The following DAB2IP variants were observed in gnomAD, a reference collection of about 807,000 sequenced individuals.
DAB2IP encodes DAB2 interacting protein, also known as disabled homolog 2-interacting protein.
A neutral mutation model predicts 107.2 loss-of-function variants in DAB2IP; 28 were observed. The observed-to-expected ratio is 0.26, with a 90% CI of 0.19 to 0.36. DAB2IP has a LOEUF of 0.36. DAB2IP is among the 10% of genes least tolerant of loss of function. The pLI, the probability that DAB2IP is intolerant of heterozygous loss-of-function variation, is 1.00. For synonymous variants in DAB2IP, 755 were observed against 706.4 expected (o/e 1.07, Z -1.09); for missense variants, 1,400 against 1,644.7 (o/e 0.85, Z 2.57).
At chr9:121,612,852 A>G (rs952856466) in intron 1 of DAB2IP, among the ~76,000 whole-genome samples, 4 of 152,234 alleles carry the variant, frequency 2.6e-5, no homozygotes, top group Non-Finnish European at 5.9e-5. Context: ...GTTTCTGCAA[A>G]CAGGATTGCA....
Position 121,699,442 on chromosome 9 carries a change from G to A in DAB2IP, c.346G>A (p.Ala116Thr). The A allele has an allele frequency of 2.1e-6, 3 of 1,439,362 alleles. No individual in the cohort carries two copies. Among genetic ancestry groups the A allele is most frequent in the South Asian group, 1.4e-5 (1 of 73,090 alleles). 89.2% of individuals were successfully genotyped at this position (1,439,362 alleles called of 1,614,324 possible). Residue 116 changes from alanine (A) to threonine (T), a missense_variant, in exon 3 of 16, where the codon GCC (alanine) becomes ACC (threonine). Physicochemically the swap from Ala to Thr is moderately conservative, Grantham distance 58. Transcript: ENST00000408936. This position sits in a 1 kb window ranked among gnomAD's most constrained non-coding sequence, Gnocchi z 6.2. ...GGGGTTCCGGAGCGCCGCCGCCGCCGCCGCGGACAATGAGAGGTGAGCCCG... is the reference window on the plus strand; with the variant it reads ...GGGGTTCCGGAGCGCCGCCGCCGCCACCGCGGACAATGAGAGGTGAGCCCG...
intron 1 of DAB2IP, among the ~76,000 whole-genome samples, chr9:121,637,528 C>T (rs1423247721): frequency 6.6e-6 from 1 of 152,160 alleles, no homozygotes; most frequent in Admixed American, 6.5e-5. Flanking sequence ...CACTAGAGCT[C>T]CAGTGGACAT....
At chr9:121,620,808 GC>G (rs1831435704) in intron 1 of DAB2IP, among the ~76,000 whole-genome samples, 1 of 152,122 alleles carries the variant, frequency 6.6e-6, no homozygotes, top group Non-Finnish European at 1.5e-5. Context: ...TCACCTGGGA[GC>G]CCCACCCATG....
In DAB2IP at chr9:121,630,804, C is replaced by T. The variant is rs943661051; in HGVS notation, c.41-47874C>T. ...GGTATTTTTAGTAGAGACAGGGTTT[C>T]ACCATGTTGGCCAGGCTGGTCTCGA... is the stretch of plus-strand genomic sequence containing the variant. On this transcript the variant is annotated intron_variant, in intron 1 of 16. Coordinates refer to the DAB2IP transcript ENST00000259371. Among the ~76,000 whole-genome samples, 18 of 152,114 alleles carry T rather than the reference C, an allele frequency of 1.2e-4. No individual in the cohort carries two copies. In the East Asian group the frequency reaches 3.3e-3, roughly 28 times the overall value.
At chr9:121,688,793 G>C (rs1829017486) in intron 2 of DAB2IP, among the ~76,000 whole-genome samples, 1 of 152,228 alleles carries the variant, frequency 6.6e-6, no homozygotes, top group Non-Finnish European at 1.5e-5. Flanking sequence ...ACGAGACAGA[G>C]AGAGACAGGG....
chr9:121,614,965 C>T (rs772407508), intron 1 of DAB2IP, among the ~76,000 whole-genome samples: 1 of 151,712 alleles, frequency 6.6e-6, no homozygotes, highest in Non-Finnish European at 1.5e-5. Context: ...AACTCCTGAC[C>T]TCAGGTGATC....
chr9:121,607,501 C>G, intron 1 of DAB2IP, among the ~76,000 whole-genome samples: 1 of 151,924 alleles, frequency 6.6e-6, no homozygotes, highest in Non-Finnish European at 1.5e-5. Context: ...TGGGGTCTTG[C>G]TGTGTTGTCC....
At chr9:121,784,268 A>G (rs1292990074) in exon 16 of DAB2IP, 1 of 153,254 alleles carries the variant, frequency 6.5e-6, no homozygotes, top group Non-Finnish European at 1.5e-5. Flanking sequence ...GTCCCCACCC[A>G]TGCGCCTTCG....
intron 1 of DAB2IP, among the ~76,000 whole-genome samples, chr9:121,597,032 G>A (rs1444024281): frequency 3.3e-5 from 5 of 152,118 alleles, no homozygotes; most frequent in South Asian, 4.1e-4. Flanking sequence ...CTTTTTCTGT[G>A]AATTGCCTGT....
intron 6 of DAB2IP, among the ~76,000 whole-genome samples, chr9:121,761,193 G>A (rs1423195768): frequency 6.6e-6 from 1 of 152,250 alleles, no homozygotes; most frequent in Non-Finnish European, 1.5e-5. Flanking sequence ...CCCCTAGGAA[G>A]GCAGTAGAGC....
At chr9:121,733,058 C>T (rs1237737064) in intron 3 of DAB2IP, among the ~76,000 whole-genome samples, 1 of 152,218 alleles carries the variant, frequency 6.6e-6, no homozygotes, top group Non-Finnish European at 1.5e-5. Context: ...CAGCTAAGTA[C>T]AACTGGTCTC....
At chr9:121,746,438 C>A (rs1832728002) in intron 3 of DAB2IP, among the ~76,000 whole-genome samples, 1 of 152,200 alleles carries the variant, frequency 6.6e-6, no homozygotes. Context: ...CTGCTTACCA[C>A]CTTCAACCAG....
intron 1 of DAB2IP, among the ~76,000 whole-genome samples, chr9:121,582,409 G>T (rs1830218642): frequency 6.6e-6 from 1 of 152,018 alleles, no homozygotes; most frequent in African/African-American, 2.4e-5. Flanking sequence ...TCAGAGGAGG[G>T]TGCGGGCTGT....
Position 121,671,310 on chromosome 9 carries a change from T to C in DAB2IP, c.125-7368T>C, listed in dbSNP as rs2119117267. Among the ~76,000 whole-genome samples the C allele has an allele frequency of 2.0e-5, 3 of 152,330 alleles. No homozygotes were observed. In the South Asian group the frequency reaches 6.2e-4, roughly 32 times the overall value. On this transcript the variant is annotated intron_variant, in intron 1 of 15. Coordinates refer to ENST00000408936, the Ensembl canonical transcript of DAB2IP. ...GAGATTGCACCACTGCATTCCAGCC[T>C]GGGCGACTGACCTAGACTCCATCTC... is the stretch of plus-strand genomic sequence containing the variant.
intron 11 of DAB2IP, 118 bp downstream of exon 11, chr9:121,770,842 C>G: frequency 7.3e-7 from 1 of 1,375,608 alleles, no homozygotes; most frequent in Non-Finnish European, 9.8e-7. Context: ...ACAAGCCTGG[C>G]AAGACTTGAG....
intron 1 of DAB2IP, among the ~76,000 whole-genome samples, chr9:121,611,435 C>T (rs1831092944): frequency 6.6e-6 from 1 of 152,142 alleles, no homozygotes; most frequent in Non-Finnish European, 1.5e-5. Flanking sequence ...GTCTAAGGTC[C>T]ATCAGACAGA....
At chr9:121,582,812 C>G (rs192475552) in intron 1 of DAB2IP, among the ~76,000 whole-genome samples, 2 of 152,388 alleles carry the variant, frequency 1.3e-5, no homozygotes, top group East Asian at 3.9e-4. Context: ...AACTCCTACT[C>G]ACATGCTAGT....
In DAB2IP at chr9:121,736,581, G is replaced by C. The variant is rs918192119; in HGVS notation, c.363-20432G>C. Among the ~76,000 whole-genome samples, 1 of 151,920 alleles carries C rather than the reference G, an allele frequency of 6.6e-6. No individual in the cohort carries two copies. Among genetic ancestry groups the C allele is most frequent in the African/African-American group, 2.4e-5 (1 of 41,388 alleles). ...GGGAGGGCCCGGAGGGCTGGGGCTGGGGCGGGCCGCTTCCGGGCTGGAGAG... is the reference window on the plus strand; with the variant it reads ...GGGAGGGCCCGGAGGGCTGGGGCTGCGGCGGGCCGCTTCCGGGCTGGAGAG... On this transcript the variant is annotated intron_variant, in intron 3 of 15. Transcript: ENST00000408936. The surrounding 1 kb of genome is among the most constrained non-coding windows in gnomAD (Gnocchi z 4.6).
intron 1 of DAB2IP, among the ~76,000 whole-genome samples, chr9:121,668,714 A>G (rs990128914): frequency 2.0e-5 from 3 of 152,118 alleles, no homozygotes; most frequent in African/African-American, 7.2e-5. Flanking sequence ...CATTCAGGAA[A>G]TTGTACAGTC....
Sources: gnomAD v4.1 joint callset for allele counts (sites outside exome capture counted in the v4.1 genomes callset) on GRCh38, gnomAD v4.1.1 for gene constraint, Gnocchi (gnomAD v3.1) non-coding constraint, MANE v1.5 for transcripts, NCBI Gene and HGNC (gene_info 2026-07-23, HGNC 2026-07-21) for gene names.